Variants in AEBP2 observed in about 807,000 individuals in gnomAD.
AEBP2 encodes the protein AE binding protein 2.
In AEBP2, 10 loss-of-function variants were observed where a neutral mutation model predicts 50.8. That is an observed-to-expected ratio of 0.20 (90% CI 0.12 to 0.33). AEBP2 has a LOEUF of 0.33. AEBP2 is among the 10% of genes least tolerant of loss of function. The pLI is 1.00. For missense variants in AEBP2, 570 were observed against 688.0 expected (o/e 0.83, Z 1.92); for synonymous variants, 296 against 261.3 (o/e 1.13, Z -1.28).
intron 1 of AEBP2, among the ~76,000 whole-genome samples, chr12:19,432,749 C>T (rs1407223410): frequency 1.3e-5 from 2 of 151,988 alleles, no homozygotes; most frequent in Non-Finnish European, 2.9e-5. Flanking sequence ...TAGGTGTCTG[C>T]AGTACCTAGA....
At chr12:19,475,453 T>C (rs752035664) in intron 3 of AEBP2, among the ~76,000 whole-genome samples, 6 of 152,068 alleles carry the variant, frequency 3.9e-5, no homozygotes, top group Non-Finnish European at 7.4e-5. Flanking sequence ...TATGTATGTG[T>C]GTATGTGTGT....
At chr12:19,501,539 A>T (rs1426918366) in intron 5 of AEBP2, among the ~76,000 whole-genome samples, 5 of 151,916 alleles carry the variant, frequency 3.3e-5, no homozygotes, top group Non-Finnish European at 7.4e-5. Flanking sequence ...CAGGAGGCTG[A>T]GGTGGGAGGA....
chr12:19,509,223 T>C, intron 5 of AEBP2: 1 of 360,152 alleles, frequency 2.8e-6, no homozygotes, highest in Non-Finnish European at 5.4e-6. Context: ...GTGTAAGTGT[T>C]GAAGGCACAA....
At chr12:19,470,369 C>G (rs1311621725) in intron 2 of AEBP2, among the ~76,000 whole-genome samples, 6 of 152,122 alleles carry the variant, frequency 3.9e-5, no homozygotes, top group Non-Finnish European at 7.3e-5. Flanking sequence ...GTTGGTCAGG[C>G]TGGTCTCGAA....
At chr12:19,452,344 T>A (rs539614695) in intron 1 of AEBP2, among the ~76,000 whole-genome samples, 18 of 152,194 alleles carry the variant, frequency 1.2e-4, no homozygotes, top group Non-Finnish European at 2.5e-4. Context: ...CATAGAACAA[T>A]GCAGGATATA....
intron 1 of AEBP2, among the ~76,000 whole-genome samples, chr12:19,442,013 TACTC>T (rs1192518639): frequency 6.6e-6 from 1 of 152,178 alleles, no homozygotes; most frequent in African/African-American, 2.4e-5. Flanking sequence ...TTGAGTATCT[TACTC>T]AGGACAGTAA....
rs1265662480 is a variant in AEBP2, at chr12:19,519,399, G to T, written c.*1282G>T. The T allele has an allele frequency of 1.3e-5, 2 of 152,436 alleles. No individual in the cohort carries two copies. Among genetic ancestry groups the T allele is most frequent in the African/African-American group, 4.8e-5 (2 of 41,414 alleles). The allele number at this position is 152,436 out of a possible 1,614,324, so 9.4% of individuals were successfully genotyped here. A position where few individuals can be genotyped will look rare whatever the true frequency, so the allele number is the denominator to read the frequency against. On this transcript the variant is annotated 3_prime_UTR_variant, in exon 8 of 8. Transcript: ENST00000266508. ...ATAAATGTCTTTCACAGACTTAAGG[G>T]ACTATGTACTACTGTTAATATCTCT... is the stretch of plus-strand genomic sequence containing the variant.
chr12:19,404,442 T>C (rs140342209), intron 1 of AEBP2, among the ~76,000 whole-genome samples: 4 of 152,182 alleles, frequency 2.6e-5, no homozygotes, highest in Admixed American at 2.6e-4. Context: ...CTCAACAGTT[T>C]TCTACTTCAC....
At chr12:19,480,347 T>A (rs982192801) in intron 3 of AEBP2, among the ~76,000 whole-genome samples, 2 of 152,176 alleles carry the variant, frequency 1.3e-5, no homozygotes, top group African/African-American at 4.8e-5. Flanking sequence ...TCAGGTGATC[T>A]GCCCACCTCG....
chr12:19,423,064 C>CA (rs751550689), intron 1 of AEBP2, among the ~76,000 whole-genome samples: 1,088 of 35,034 alleles, frequency 0.031, 383 homozygotes, highest in African/African-American at 0.14. Context: ...GACTCTGTCT[C>CA]AAAAAAAAAA....
chr12:19,435,390 C>G (rs546583986), upstream of AEBP2, among the ~76,000 whole-genome samples: 1 of 151,758 alleles, frequency 6.6e-6, no homozygotes, highest in East Asian at 1.9e-4. Context: ...AAGTGATTCT[C>G]CTGTGCCTGG....
rs1284987554 is a variant in AEBP2, at chr12:19,477,218, G to A, written c.987+3863G>A. ...CAAGCTTTTTGGATGAGTCTTTAGG[G>A]TTTCCTAGGTATATGATCATATCGT... On this transcript the variant is annotated intron_variant, in intron 3 of 7. Coordinates refer to ENST00000266508, the MANE Select transcript of AEBP2 (RefSeq NM_153207.5). 2.0e-5 allele frequency among the ~76,000 whole-genome samples: 3 copies of A among 152,134 alleles called. No individual in the cohort carries two copies. The East Asian group carries it at 5.8e-4, about 29-fold the overall frequency.
intron 1 of AEBP2, among the ~76,000 whole-genome samples, chr12:19,423,064 C>CAAAAAAAAAAAA (rs751550689): frequency 1.1e-4 from 4 of 35,046 alleles, no homozygotes; most frequent in Non-Finnish European, 1.3e-4. Context: ...GACTCTGTCT[C>CAAAAAAAAAAAA]AAAAAAAAAA....
upstream of AEBP2, among the ~76,000 whole-genome samples, chr12:19,439,377 C>T (rs1019013034): frequency 2.2e-4 from 8 of 36,294 alleles, no homozygotes; most frequent in Admixed American, 4.1e-4. Flanking sequence ...TTGCAGGCGC[C>T]GGGGCGGGGG....
chr12:19,406,842 T>C (rs1192601232), intron 1 of AEBP2, among the ~76,000 whole-genome samples: 5 of 152,202 alleles, frequency 3.3e-5, no homozygotes, highest in African/African-American at 1.2e-4. Flanking sequence ...GTTTTACATT[T>C]AGGTCTGTGA....
chr12:19,429,565 A>G (rs2095750342), intron 1 of AEBP2, among the ~76,000 whole-genome samples: 2 of 152,222 alleles, frequency 1.3e-5, no homozygotes, highest in South Asian at 2.1e-4. Flanking sequence ...TGACTTCCAC[A>G]ATGGTTGAAC....
At chr12:19,405,435 C>T (rs1167580024) in intron 1 of AEBP2, among the ~76,000 whole-genome samples, 1 of 151,980 alleles carries the variant, frequency 6.6e-6, no homozygotes, top group Non-Finnish European at 1.5e-5. Context: ...AGCAATTCTC[C>T]TGCCTCAGCC....
chr12:19,425,732 A>C (rs557959764), intron 1 of AEBP2, among the ~76,000 whole-genome samples: 5 of 147,758 alleles, frequency 3.4e-5, no homozygotes, highest in African/African-American at 1.3e-4. Context: ...AGATCCTGCC[A>C]CTGCACTCCA....
At chr12:19,425,017 C>T (rs912494694) in intron 1 of AEBP2, among the ~76,000 whole-genome samples, 1 of 151,988 alleles carries the variant, frequency 6.6e-6, no homozygotes, top group Non-Finnish European at 1.5e-5. Flanking sequence ...TCAAAACAAA[C>T]AAACAAACAA....
Sources: gnomAD v4.1 joint callset for allele counts (sites outside exome capture counted in the v4.1 genomes callset) on GRCh38, gnomAD v4.1.1 for gene constraint, MANE v1.5 for transcripts, NCBI Gene and HGNC (gene_info 2026-07-23, HGNC 2026-07-21) for gene names.